LINGO2: variants seen among roughly 807,000 people sequenced by gnomAD.
The protein encoded by LINGO2 is leucine rich repeat and Ig domain containing 2.
LINGO2 carries 14 observed loss-of-function variants against 30.6 expected under a neutral mutation model. The ratio of observed to expected loss-of-function variants is 0.46; its 90% CI spans 0.30 to 0.72. LINGO2 has a LOEUF of 0.72. Ranked by LOEUF, LINGO2 falls within the 30% of genes least tolerant of loss-of-function variation. The probability of loss-of-function intolerance (pLI) is 0.07; values close to 1 mark genes in which losing one functional copy is unlikely to be tolerated. For synonymous variants in LINGO2, 317 were observed against 288.5 expected, an observed-to-expected ratio of 1.10 and a Z score of -1.00; for missense variants, 729 against 751.7, an observed-to-expected ratio of 0.97 and a Z score of 0.35.
At chr9:28,869,013 T>C in the LINGO2 span, among the ~76,000 whole-genome samples, 2 of 152,234 alleles carry the variant, frequency 1.3e-5, no homozygotes, top group Non-Finnish European at 2.9e-5. Flanking sequence ...CTCAGGACTA[T>C]TTGTTAAATA....
the LINGO2 span, among the ~76,000 whole-genome samples, chr9:29,203,607 T>C: frequency 2.8e-3 from 417 of 149,670 alleles, 1 homozygote; most frequent in African/African-American, 9.2e-3. Flanking sequence ...CTAACATATA[T>C]GTGACTTTGT....
At chr9:28,343,391 G>A (rs2134400752) in intron 3 of LINGO2, among the ~76,000 whole-genome samples, 1 of 152,276 alleles carries the variant, frequency 6.6e-6, no homozygotes, top group African/African-American at 2.4e-5. Flanking sequence ...TTCTTGGACT[G>A]CAGAGCTACG....
intron 4 of LINGO2, among the ~76,000 whole-genome samples, chr9:28,274,112 C>A (rs1406048728): frequency 2.0e-5 from 3 of 152,140 alleles, no homozygotes; most frequent in African/African-American, 7.2e-5. Flanking sequence ...ATGATGACAT[C>A]TATGGACATA....
chr9:29,035,908 G>A, the LINGO2 span, among the ~76,000 whole-genome samples: 10 of 152,080 alleles, frequency 6.6e-5, no homozygotes, highest in Admixed American at 6.6e-4. Flanking sequence ...TAAGAAGAGG[G>A]AAAAATATTG....
chr9:28,365,785 C>CT (rs1820646070), intron 3 of LINGO2, among the ~76,000 whole-genome samples: 1 of 108,486 alleles, frequency 9.2e-6, no homozygotes, highest in Admixed American at 1.0e-4. Context: ...TTTTTTTTTT[C>CT]CTCTCTCTCT....
upstream of LINGO2, among the ~76,000 whole-genome samples, chr9:28,673,792 C>T (rs181177399): frequency 6.6e-6 from 1 of 151,910 alleles, no homozygotes; most frequent in African/African-American, 2.4e-5. Context: ...TGGGACAAGA[C>T]TGAGAACAAA....
chr9:28,636,603 G>T (rs1176136560), intron 1 of LINGO2, among the ~76,000 whole-genome samples: 2 of 152,170 alleles, frequency 1.3e-5, no homozygotes, highest in Non-Finnish European at 2.9e-5. Context: ...CATTGTGTCT[G>T]TTGGCTGCAT....
In LINGO2 at chr9:28,627,844, A is replaced by G. The variant is rs543832733; in HGVS notation, c.-365+42356T>C. 1.2e-4 allele frequency among the ~76,000 whole-genome samples: 18 copies of G among 152,220 alleles called. 1 individual carries two copies. The highest frequency in any genetic ancestry group is 2.5e-4 in the Non-Finnish European group (17 of 67,970). ...TTCCCAAAGTAAAGATGATAGTACA[A>G]GCTAATGAGATAAAATACCAAGCAT... On this transcript the variant is annotated intron_variant, in intron 1 of 5. Coordinates refer to ENST00000379992, the Ensembl canonical transcript of LINGO2.
At chr9:29,014,614 C>G in the LINGO2 span, among the ~76,000 whole-genome samples, 1 of 152,068 alleles carries the variant, frequency 6.6e-6, no homozygotes, top group African/African-American at 2.4e-5. Flanking sequence ...GTTAATATGG[C>G]CTAGACACAA....
chr9:28,071,625 C>G (rs557630797), intron 4 of LINGO2, among the ~76,000 whole-genome samples: 1 of 150,360 alleles, frequency 6.7e-6, no homozygotes, highest in East Asian at 1.9e-4. Flanking sequence ...CCCCTAAAAA[C>G]ACTAGAAGGT....
intron 4 of LINGO2, among the ~76,000 whole-genome samples, chr9:28,196,180 T>A (rs1035535215): frequency 6.6e-6 from 1 of 151,676 alleles, no homozygotes; most frequent in Non-Finnish European, 1.5e-5. Flanking sequence ...TGGATTTACA[T>A]TGTTAAAACA....
At chr9:27,982,117 T>C (rs1820909196) in intron 5 of LINGO2, among the ~76,000 whole-genome samples, 1 of 151,840 alleles carries the variant, frequency 6.6e-6, no homozygotes, top group Admixed American at 6.6e-5. Context: ...GCAGGGTTAC[T>C]ATGGCAATCA....
At chr9:29,202,150 AT>A in the LINGO2 span, among the ~76,000 whole-genome samples, 1 of 151,864 alleles carries the variant, frequency 6.6e-6, no homozygotes, top group Non-Finnish European at 1.5e-5. Flanking sequence ...GGACCACATG[AT>A]TTGGAAAGAT....
chr9:27,939,043 G>T, the LINGO2 span: 1 of 152,090 alleles, frequency 6.6e-6, no homozygotes, highest in African/African-American at 2.4e-5. Flanking sequence ...CATTTAAAAT[G>T]ATTTTCAATA....
At chr9:29,208,710 G>A in the LINGO2 span, among the ~76,000 whole-genome samples, 1 of 152,016 alleles carries the variant, frequency 6.6e-6, no homozygotes, top group African/African-American at 2.4e-5. Flanking sequence ...ACATAGAGTA[G>A]GTAGATATTA....
At chr9:28,126,279 T>C (rs773173856) in intron 4 of LINGO2, among the ~76,000 whole-genome samples, 3 of 152,162 alleles carry the variant, frequency 2.0e-5, no homozygotes, top group Non-Finnish European at 2.9e-5. Flanking sequence ...ACATAAAACC[T>C]AGAATAAGTA....
intron 4 of LINGO2, among the ~76,000 whole-genome samples, chr9:28,171,535 G>A (rs2133657929): frequency 6.6e-6 from 1 of 152,214 alleles, no homozygotes; most frequent in African/African-American, 2.4e-5. Context: ...CTAAAAAAAT[G>A]AAGCACCTTA....
intron 2 of LINGO2, among the ~76,000 whole-genome samples, chr9:28,402,431 T>C (rs1014129714): frequency 5.9e-5 from 9 of 152,012 alleles, no homozygotes; most frequent in Non-Finnish European, 1.0e-4. Flanking sequence ...TAAGAAATCA[T>C]CATCAAGGTG....
rs1819836468 is a variant in LINGO2, at chr9:28,500,377, A to G, written c.-364-24352T>C. 2.0e-5 allele frequency among the ~76,000 whole-genome samples: 3 copies of G among 152,330 alleles called. No homozygotes were observed. In the South Asian group the frequency reaches 6.2e-4, roughly 32 times the overall value. On this transcript the variant is annotated intron_variant, in intron 1 of 5. Coordinates refer to ENST00000379992, the Ensembl canonical transcript of LINGO2. Reference sequence around the variant, plus strand: ...AGGCAGAAAATGTTAAATCCCCAGAAATTTGAGGCAAACAAACAGCATTAA... The same window carrying G: ...AGGCAGAAAATGTTAAATCCCCAGAGATTTGAGGCAAACAAACAGCATTAA...
Sources: allele counts gnomAD v4.1 joint callset (sites outside exome capture counted in the v4.1 genomes callset), GRCh38; gene constraint gnomAD v4.1.1; transcripts MANE v1.5; gene names NCBI Gene and HGNC (gene_info 2026-07-23, HGNC 2026-07-21).